Variants in DDX46 observed in about 807,000 individuals in gnomAD.
The protein encoded by DDX46 is probable ATP-dependent RNA helicase DDX46.
In DDX46, 30 loss-of-function variants were observed where a neutral mutation model predicts 134.9. The observed-to-expected ratio is 0.22, with a 90% CI of 0.17 to 0.30. DDX46 has a LOEUF of 0.30. Among genes scored for constraint, DDX46 ranks in the 10% least tolerant of loss-of-function variants. DDX46 has a pLI of 1.00. For missense variants in DDX46, 622 were observed against 1,248.7 expected (o/e 0.50, Z 7.56); for synonymous variants, 415 against 404.1 (o/e 1.03, Z -0.32).
At chr5:134,782,115 T>C in intron 8 of DDX46, 29 bp downstream of exon 8, 6 of 1,552,412 alleles carry the variant, frequency 3.9e-6, no homozygotes, top group Middle Eastern at 2.3e-4. Context: ...ATTTACTGGT[T>C]ATAAGGGAAC....
chr5:134,776,700 A>G (rs952766346), intron 5 of DDX46, among the ~76,000 whole-genome samples: 5 of 151,954 alleles, frequency 3.3e-5, no homozygotes, highest in Non-Finnish European at 5.9e-5. Context: ...GTGGATCACA[A>G]GGTCAGGAGT....
chr5:134,812,059 CT>C lies in DDX46; in HGVS notation c.2436+236del, dbSNP rs767502728. On this transcript the variant is annotated intron_variant, in intron 18 of 22. Coordinates refer to ENST00000452510, the MANE Select transcript of DDX46 (RefSeq NM_001300860.2). ...AGCACTTCAAAGGATGTGAAAAGTCCTTTTTTTTTTTTTTTTTTTTTTGCGA... is the reference window on the plus strand; with the variant it reads ...AGCACTTCAAAGGATGTGAAAAGTCCTTTTTTTTTTTTTTTTTTTTTGCGA... Among the ~76,000 whole-genome samples the C allele has an allele frequency of 6.4e-3, 638 of 99,056 alleles. 5 individuals are homozygous for C. In the South Asian group the frequency reaches 0.078, roughly 12 times the overall value. 65.0% of individuals were successfully genotyped at this position (99,056 alleles called of 152,430 possible).
chr5:134,828,767 G>T lies in DDX46; in HGVS notation c.*61G>T. The T allele has an allele frequency of 8.2e-7, 1 of 1,218,802 alleles. No homozygotes were observed. 75.5% of individuals were successfully genotyped at this position (1,218,802 alleles called of 1,614,324 possible). A position where few individuals can be genotyped will look rare whatever the true frequency, so the allele number is the denominator to read the frequency against. On this transcript the variant is annotated 3_prime_UTR_variant, in exon 23 of 23. Transcript: ENST00000452510. ...ATGATGTATGTGGCAGTTGCTGTCT[G>T]CAGTTTACAATGTATTGTAAATGAA...
Position 134,819,012 on chromosome 5 carries a change from C to G in DDX46, c.2977+8C>G, listed in dbSNP as rs1755366640. ...TTTACTTGGCAATTGAAAGTATGTA[C>G]TGTTAGTTCTGTTTCAATCTTGAAT... is the stretch of plus-strand genomic sequence containing the variant. On this transcript the variant is annotated splice_region_variant and intron_variant, in intron 21 of 22. Coordinates refer to ENST00000452510, the MANE Select transcript of DDX46 (RefSeq NM_001300860.2). 1 of 1,611,486 alleles carries G rather than the reference C, an allele frequency of 6.2e-7. No individual in the cohort carries two copies. The highest frequency in any genetic ancestry group is 1.3e-5 in the African/African-American group (1 of 74,770).
intron 19 of DDX46, 60 bp from the exon 20 acceptor site, chr5:134,817,436 T>G: frequency 4.7e-6 from 7 of 1,496,284 alleles, no homozygotes; most frequent in Non-Finnish European, 6.3e-6. Context: ...ATTTGTGGTG[T>G]GGTCCCTACT....
At chr5:134,768,346 G>A (rs200265565) in intron 3 of DDX46, among the ~76,000 whole-genome samples, 1 of 151,720 alleles carries the variant, frequency 6.6e-6, no homozygotes, top group East Asian at 1.9e-4. Flanking sequence ...TCCTGATCTC[G>A]TGATCCACCC....
In DDX46 at chr5:134,768,784, G is replaced by T. The variant is rs116943537; in HGVS notation, c.350+1724G>T. 1.6e-3 allele frequency among the ~76,000 whole-genome samples: 250 copies of T among 152,236 alleles called. 7 individuals carry two copies. The East Asian group carries it at 0.038, about 23-fold the overall frequency. On this transcript the variant is annotated intron_variant, in intron 3 of 22. Transcript: ENST00000452510. ...ACATTAAAAAATCATTAGAAGTCTG[G>T]GTGAAGTGGCTCACGCCTGTAATCC...
intron 10 of DDX46, among the ~76,000 whole-genome samples, chr5:134,785,018 G>A (rs970244106): frequency 6.6e-6 from 1 of 152,198 alleles, no homozygotes; most frequent in African/African-American, 2.4e-5. Context: ...GGAAAGTTGA[G>A]TAGGGTTTTG....
intron 1 of DDX46, among the ~76,000 whole-genome samples, chr5:134,761,277 G>A (rs958062980): frequency 2.0e-5 from 3 of 152,194 alleles, no homozygotes; most frequent in Non-Finnish European, 2.9e-5. Flanking sequence ...TGCCCACCTT[G>A]GCCTGCCAAA....
At position 134,796,019 on chromosome 5, in the gene DDX46, A is replaced by G; in HGVS notation, c.1823A>G (p.Lys608Arg). The G allele has an allele frequency of 6.2e-7, 1 of 1,613,446 alleles. No individual in the cohort carries two copies. The highest frequency in any genetic ancestry group is 8.5e-7 in the Non-Finnish European group (1 of 1,179,834). The change falls in exon 15 of 23, where the codon AAG becomes AGG. Residue 608 changes from lysine to arginine, a missense_variant. Lys to Arg is a conservative substitution (Grantham distance 26). Around this residue, in one of 8 missense-constraint regions of DDX46, gnomAD observed 209 missense variants for 508.4 expected, o/e 0.41. Transcript: ENST00000452510. ...ATTGAAGAAGAAAAGAAATTCTTGA[A>G]GTTACTTGAGCTTCTAGGCCATTAT... ...IVIEEEKKFL[K>R]LLELLGHYQE...
At chr5:134,813,058 C>T (rs545754135) in intron 18 of DDX46, among the ~76,000 whole-genome samples, 56 of 152,226 alleles carry the variant, frequency 3.7e-4, no homozygotes, top group African/African-American at 1.3e-3. Context: ...TCTCCTGCCT[C>T]AGACTCCCAA....
chr5:134,803,127 G>A (rs1754881132), intron 15 of DDX46, among the ~76,000 whole-genome samples: 1 of 152,078 alleles, frequency 6.6e-6, no homozygotes, highest in African/African-American at 2.4e-5. Context: ...CCAAGTAGCT[G>A]GGATGACAGG....
chr5:134,777,353 ATATT>A (rs1202146107), intron 5 of DDX46, among the ~76,000 whole-genome samples: 4 of 152,190 alleles, frequency 2.6e-5, no homozygotes, highest in African/African-American at 7.2e-5. Context: ...TGTTTTATTC[ATATT>A]TATTTTGTCA....
intron 8 of DDX46, 98 bp downstream of exon 8, chr5:134,782,184 G>C: frequency 1.6e-6 from 2 of 1,239,560 alleles, no homozygotes; most frequent in Non-Finnish European, 1.1e-6. Context: ...CATGAAGGAG[G>C]GTGTTTTGGA....
At chr5:134,814,458 C>T (rs1350923831) in intron 18 of DDX46, among the ~76,000 whole-genome samples, 1 of 152,158 alleles carries the variant, frequency 6.6e-6, no homozygotes, top group Non-Finnish European at 1.5e-5. Context: ...TTAGCTCTAC[C>T]AGCTAGCATT....
chr5:134,783,863 T>C (rs1463782289), intron 9 of DDX46, among the ~76,000 whole-genome samples: 1 of 151,044 alleles, frequency 6.6e-6, no homozygotes, highest in Non-Finnish European at 1.5e-5. Context: ...TTTTTTTTTT[T>C]TTTAAGAGAT....
At chr5:134,792,734 A>C (rs1754539942) in intron 13 of DDX46, among the ~76,000 whole-genome samples, 1 of 152,196 alleles carries the variant, frequency 6.6e-6, no homozygotes, top group Non-Finnish European at 1.5e-5. Context: ...AAACAAAATA[A>C]ATGATTAATT....
chr5:134,793,530 G>T (rs1445951069), intron 13 of DDX46, among the ~76,000 whole-genome samples: 2 of 152,048 alleles, frequency 1.3e-5, no homozygotes, highest in Non-Finnish European at 2.9e-5. Context: ...TCACCCTCCT[G>T]AGTAGCTGGT....
chr5:134,772,448 G>A (rs1185116993), intron 4 of DDX46, among the ~76,000 whole-genome samples: 2 of 151,930 alleles, frequency 1.3e-5, no homozygotes, highest in African/African-American at 2.4e-5. Flanking sequence ...CTTGAACCCC[G>A]GACTTGGAGA....
Sources: gnomAD v4.1 joint callset for allele counts (sites outside exome capture counted in the v4.1 genomes callset) on GRCh38, gnomAD v4.1.1 for gene constraint, gnomAD v4.1.1 regional missense constraint, MANE v1.5 for transcripts, NCBI Gene and HGNC (gene_info 2026-07-23, HGNC 2026-07-21) for gene names.